Variants in DPP6 observed in about 807,000 individuals in gnomAD.
DPP6 encodes dipeptidyl peptidase like 6, also known as A-type potassium channel modulatory protein DPP6.
DPP6 carries 69 observed loss-of-function variants against 122.6 expected under a neutral mutation model. The ratio of observed to expected loss-of-function variants is 0.56; its 90% CI spans 0.46 to 0.69. The LOEUF (loss-of-function observed/expected upper bound fraction) is 0.69. DPP6 is among the 30% of genes least tolerant of loss of function. The pLI is 0.00. For synonymous variants in DPP6, 418 were observed against 433.1 expected (o/e 0.97, Z 0.43); for missense variants, 928 against 1,116.9 (o/e 0.83, Z 2.41).
chr7:153,884,199 C>T (rs1216299689), upstream of DPP6, among the ~76,000 whole-genome samples: 1 of 152,088 alleles, frequency 6.6e-6, no homozygotes, highest in African/African-American at 2.4e-5. Flanking sequence ...TGTGATGTTC[C>T]CCTTCCTGTG....
intron 19 of DPP6, among the ~76,000 whole-genome samples, chr7:154,873,782 C>A (rs542769607): frequency 2.0e-4 from 30 of 149,492 alleles, no homozygotes; most frequent in African/African-American, 7.4e-4. Context: ...GCACACACAC[C>A]CACATGTGCA....
chr7:154,289,046 C>T (rs1304263139), intron 1 of DPP6, among the ~76,000 whole-genome samples: 1 of 152,076 alleles, frequency 6.6e-6, no homozygotes, highest in Non-Finnish European at 1.5e-5. Flanking sequence ...GGACGGCTTG[C>T]AGAGTTGCAG....
chr7:153,985,968 G>A (rs1379096439), intron 1 of DPP6, among the ~76,000 whole-genome samples: 24 of 152,304 alleles, frequency 1.6e-4, no homozygotes, highest in East Asian at 7.7e-4. Flanking sequence ...ACTTCTAGGC[G>A]TCTGAGTAAT....
At chr7:154,205,818 G>A (rs567513365) in intron 1 of DPP6, among the ~76,000 whole-genome samples, 122 of 151,944 alleles carry the variant, frequency 8.0e-4, no homozygotes, top group Admixed American at 1.6e-3. Flanking sequence ...CGCTCAAGAT[G>A]CCCTCTTACT....
At chr7:153,769,932 G>A in the DPP6 span, among the ~76,000 whole-genome samples, 1 of 152,148 alleles carries the variant, frequency 6.6e-6, no homozygotes, top group African/African-American at 2.4e-5. Context: ...GGTTGGTGAG[G>A]GACAGTGGAG....
chr7:154,040,321 T>C (rs1276748481), intron 1 of DPP6, among the ~76,000 whole-genome samples: 1 of 148,014 alleles, frequency 6.8e-6, no homozygotes, highest in African/African-American at 2.6e-5. Context: ...TTTTTGTCAC[T>C]TTTTAATGCT....
intron 1 of DPP6, among the ~76,000 whole-genome samples, chr7:154,006,645 A>G (rs569691318): frequency 6.6e-6 from 1 of 152,164 alleles, no homozygotes; most frequent in Non-Finnish European, 1.5e-5. Flanking sequence ...AAGTTATTTT[A>G]CCTATCTGTG....
intron 4 of DPP6, among the ~76,000 whole-genome samples, chr7:154,548,369 G>A (rs1473485890): frequency 6.6e-6 from 1 of 151,628 alleles, no homozygotes; most frequent in Non-Finnish European, 1.5e-5. Context: ...CTTGAAACCA[G>A]CCTGGCCAAT....
At chr7:153,990,688 T>C (rs1270723941) in intron 1 of DPP6, among the ~76,000 whole-genome samples, 200 of 151,934 alleles carry the variant, frequency 1.3e-3, no homozygotes, top group African/African-American at 4.7e-3. Context: ...TTCATGGCAG[T>C]GGGACCCCTC....
chr7:154,080,895 G>T (rs1392356045), intron 1 of DPP6, among the ~76,000 whole-genome samples: 2 of 152,120 alleles, frequency 1.3e-5, no homozygotes. Context: ...CTAATGGGAA[G>T]ATGATGCCTT....
chr7:154,135,543 A>G (rs1233717510), intron 1 of DPP6, among the ~76,000 whole-genome samples: 1 of 151,448 alleles, frequency 6.6e-6, no homozygotes, highest in Non-Finnish European at 1.5e-5. Context: ...CTGTGAGCAT[A>G]CACTTTCTGT....
intron 1 of DPP6, among the ~76,000 whole-genome samples, chr7:153,979,471 A>G (rs1796469428): frequency 6.6e-6 from 1 of 152,274 alleles, no homozygotes; most frequent in East Asian, 1.9e-4. Context: ...TTTTCTAAAT[A>G]TACAGTCATG....
At chr7:153,770,945 G>A in the DPP6 span, among the ~76,000 whole-genome samples, 2 of 151,944 alleles carry the variant, frequency 1.3e-5, no homozygotes, top group Admixed American at 1.3e-4. Context: ...AAAATAAAAG[G>A]AACAGAGCAT....
At chr7:154,860,074 T>TAAGA (rs1803239677) in intron 17 of DPP6, among the ~76,000 whole-genome samples, 1 of 152,164 alleles carries the variant, frequency 6.6e-6, no homozygotes, top group African/African-American at 2.4e-5. Flanking sequence ...TGGGTCTTTG[T>TAAGA]AAGAAAGCAA....
chr7:154,266,656 A>T (rs1803440311), intron 1 of DPP6, among the ~76,000 whole-genome samples: 1 of 152,200 alleles, frequency 6.6e-6, no homozygotes. Flanking sequence ...TCATTGGTTA[A>T]CTAACAGTGC....
chr7:154,193,083 T>C (rs143874154), intron 1 of DPP6, among the ~76,000 whole-genome samples: 1 of 152,358 alleles, frequency 6.6e-6, no homozygotes, highest in African/African-American at 2.4e-5. Flanking sequence ...GCTATTGCCA[T>C]GGAAGAGCCA....
At chr7:154,566,244 T>G (rs1830736898) in intron 4 of DPP6, among the ~76,000 whole-genome samples, 1 of 152,182 alleles carries the variant, frequency 6.6e-6, no homozygotes, top group Admixed American at 6.5e-5. Flanking sequence ...GTAGAAAAGT[T>G]TGCTTTTTAA....
intron 4 of DPP6, among the ~76,000 whole-genome samples, chr7:154,556,161 C>G (rs1025810786): frequency 6.6e-6 from 1 of 152,152 alleles, no homozygotes; most frequent in African/African-American, 2.4e-5. Context: ...GCTTTGAATA[C>G]TTATTATGTA....
chr7:154,641,246 A>T (rs912477670), intron 6 of DPP6, among the ~76,000 whole-genome samples: 1 of 152,182 alleles, frequency 6.6e-6, no homozygotes, highest in African/African-American at 2.4e-5. Flanking sequence ...TCAAAAATCT[A>T]TTACCTAAGG....
Sources: allele counts gnomAD v4.1 joint callset (sites outside exome capture counted in the v4.1 genomes callset), GRCh38; gene constraint gnomAD v4.1.1; transcripts MANE v1.5; gene names NCBI Gene and HGNC (gene_info 2026-07-23, HGNC 2026-07-21).